The following C7orf57 variants were observed in gnomAD, a reference collection of about 807,000 sequenced individuals.
C7orf57 encodes uncharacterized protein C7orf57.
A neutral mutation model predicts 39.0 loss-of-function variants in C7orf57; 33 were observed. That is an observed-to-expected ratio of 0.85 (90% CI 0.64 to 1.13). C7orf57 has a LOEUF of 1.13. Among genes scored for constraint, C7orf57 ranks in the 50% most tolerant of loss-of-function variants. The probability of loss-of-function intolerance (pLI) is 0.00; values close to 1 mark genes in which losing one functional copy is unlikely to be tolerated. For missense variants in C7orf57, 346 were observed against 362.3 expected, an observed-to-expected ratio of 0.95 and a Z score of 0.37; for synonymous variants, 124 against 137.1, an observed-to-expected ratio of 0.90 and a Z score of 0.67.
intron 2 of C7orf57, among the ~76,000 whole-genome samples, chr7:48,040,515 T>C (rs912632291): frequency 6.6e-6 from 1 of 152,226 alleles, no homozygotes; most frequent in Non-Finnish European, 1.5e-5. Flanking sequence ...TCTAGACCTC[T>C]GGCCACCTTT....
chr7:48,043,442 G>T (rs377398134), intron 3 of C7orf57, 39 bp from the exon 4 acceptor site: 2 of 1,494,594 alleles, frequency 1.3e-6, no homozygotes, highest in Non-Finnish European at 1.9e-6. Flanking sequence ...GTGTAGGGGC[G>T]GCGGGGTGTC....
intron 4 of C7orf57, among the ~76,000 whole-genome samples, chr7:48,044,514 T>C (rs757714090): frequency 5.9e-5 from 9 of 152,174 alleles, no homozygotes; most frequent in Non-Finnish European, 1.3e-4. Context: ...ACTACCTGAT[T>C]GGTCGGGTGT....
intron 6 of C7orf57, among the ~76,000 whole-genome samples, chr7:48,051,817 CTCTTTCTTTCTTTCTT>C (rs199558027): frequency 0.051 from 2,617 of 51,102 alleles, 248 homozygotes; most frequent in Non-Finnish European, 0.065. Flanking sequence ...CTTTTCTCTT[CTCTTTCTTTCTTTCTT>C]TCTTTCTTTC....
intron 3 of C7orf57, 98 bp downstream of exon 3, chr7:48,041,617 T>A: frequency 9.6e-7 from 1 of 1,038,674 alleles, no homozygotes; most frequent in Non-Finnish European, 1.4e-6. Context: ...TACTACAGAG[T>A]CTGTATGTTT....
At chr7:48,059,949 T>C (rs1791243990) in intron 8 of C7orf57, among the ~76,000 whole-genome samples, 1 of 152,182 alleles carries the variant, frequency 6.6e-6, no homozygotes, top group African/African-American at 2.4e-5. Flanking sequence ...GGTGTGCTTA[T>C]GTCAGCAGAA....
At chr7:48,060,102 G>C (rs919532048) in intron 8 of C7orf57, 124 bp from the exon 9 acceptor site, 10 of 552,064 alleles carry the variant, frequency 1.8e-5, no homozygotes, top group Non-Finnish European at 9.2e-6. Context: ...TTTTTATGTA[G>C]ACTTCAGAAA....
At chr7:48,044,088 C>T (rs867053313) in intron 4 of C7orf57, among the ~76,000 whole-genome samples, 3 of 152,138 alleles carry the variant, frequency 2.0e-5, no homozygotes, top group Middle Eastern at 3.2e-3. Context: ...TCCATTAGGA[C>T]GAACCCGGGC....
chr7:48,039,599 C>T (rs1344020922), intron 2 of C7orf57, among the ~76,000 whole-genome samples: 4 of 152,080 alleles, frequency 2.6e-5, no homozygotes, highest in African/African-American at 9.7e-5. Flanking sequence ...CAAATTCTAC[C>T]GTTTTTAATG....
intron 6 of C7orf57, among the ~76,000 whole-genome samples, chr7:48,051,752 T>TTC (rs1426463883): frequency 6.6e-5 from 1 of 15,206 alleles, no homozygotes; most frequent in Admixed American, 7.1e-4. Flanking sequence ...TCTTTTTCTT[T>TTC]TCTTTCTTTC....
chr7:48,057,520 GGA>G (rs1791149596), intron 8 of C7orf57, among the ~76,000 whole-genome samples: 1 of 151,968 alleles, frequency 6.6e-6, no homozygotes, highest in South Asian at 2.1e-4. Flanking sequence ...GTTTTTTGGT[GGA>G]GTCTTTAGGG....
At chr7:48,039,621 T>TA (rs570514481) in intron 2 of C7orf57, among the ~76,000 whole-genome samples, 1 of 152,180 alleles carries the variant, frequency 6.6e-6, no homozygotes, top group Non-Finnish European at 1.5e-5. Context: ...TATTTTCATC[T>TA]AAAAAACTTC....
chr7:48,043,835 A>G, intron 4 of C7orf57, among the ~76,000 whole-genome samples: 1 of 152,046 alleles, frequency 6.6e-6, no homozygotes, highest in South Asian at 2.1e-4. Flanking sequence ...CTTCTCGGTA[A>G]ATTGCACTGT....
At position 48,052,714 on chromosome 7, in the gene C7orf57, A is replaced by AG; in HGVS notation, c.620_621insG (p.Asn207LysfsTer12). On this transcript the variant is annotated frameshift_variant, in exon 7 of 9. Coordinates refer to ENST00000348904, the MANE Select transcript of C7orf57 (RefSeq NM_001100159.3). LOFTEE classifies it high-confidence loss of function. ...CTCTTTTTAAGGCCTGGTCAAAAAA[A>AG]CAGTTCACCTACCAATTTTTCCAAA... is the stretch of plus-strand genomic sequence containing the variant. 1 of 1,613,968 alleles carries AG rather than the reference A, an allele frequency of 6.2e-7. No homozygotes were observed. Among genetic ancestry groups the AG allele is most frequent in the Non-Finnish European group, 8.5e-7 (1 of 1,179,832 alleles).
Position 48,044,830 on chromosome 7 carries a change from T to C in C7orf57, c.350+1241T>C, listed in dbSNP as rs143923773. Among the ~76,000 whole-genome samples, 469 of 152,352 alleles carry C rather than the reference T, an allele frequency of 3.1e-3. 7 individuals are homozygous for C. Among genetic ancestry groups the C allele is most frequent in the African/African-American group, 0.011 (439 of 41,584 alleles). ...TCTATTTGTGGACATGCAAACTTTA[T>C]CTCCAGAACCACCTGTCGTGGATTG... On this transcript the variant is annotated intron_variant, in intron 4 of 8. Coordinates refer to ENST00000348904, the MANE Select transcript of C7orf57 (RefSeq NM_001100159.3).
intron 5 of C7orf57, among the ~76,000 whole-genome samples, chr7:48,047,708 A>AT (rs2128794225): frequency 6.6e-6 from 1 of 151,884 alleles, no homozygotes; most frequent in African/African-American, 2.4e-5. Flanking sequence ...TTTTTATTTT[A>AT]TTTTTTTAAT....
chr7:48,040,721 G>A (rs185446506), intron 2 of C7orf57, among the ~76,000 whole-genome samples: 13 of 152,254 alleles, frequency 8.5e-5, no homozygotes, highest in African/African-American at 3.1e-4. Context: ...AGAGGCTGCC[G>A]AGCTGATTCG....
intron 3 of C7orf57, among the ~76,000 whole-genome samples, chr7:48,043,215 G>A (rs1357370503): frequency 1.3e-5 from 2 of 152,132 alleles, no homozygotes. Context: ...TGCAGCTCAA[G>A]ACCAGGAGCT....
At chr7:48,046,637 G>C (rs1230605953) in intron 5 of C7orf57, 21 bp downstream of exon 5, 1 of 1,603,328 alleles carries the variant, frequency 6.2e-7, no homozygotes, top group African/African-American at 1.3e-5. Flanking sequence ...CCCATAAATA[G>C]ACGGCATCCG....
At chr7:48,051,815 TTCTCTTTC>T (rs756140203) in intron 6 of C7orf57, among the ~76,000 whole-genome samples, 2 of 70,332 alleles carry the variant, frequency 2.8e-5, no homozygotes, top group South Asian at 1.1e-3. Context: ...TCCTTTTCTC[TTCTCTTTC>T]TTTCTTTCTT....
Sources: allele counts gnomAD v4.1 joint callset (sites outside exome capture counted in the v4.1 genomes callset), GRCh38; gene constraint gnomAD v4.1.1; transcripts MANE v1.5; gene names NCBI Gene and HGNC (gene_info 2026-07-23, HGNC 2026-07-21).